Variants in NPR3 observed in about 807,000 individuals in gnomAD.
The protein encoded by NPR3 is natriuretic peptide receptor 3, also known as atrial natriuretic peptide receptor 3.
Under a neutral mutation model 54.5 loss-of-function variants are expected in NPR3, and 34 were observed. The observed-to-expected ratio is 0.62, with a 90% CI of 0.47 to 0.83. The LOEUF (loss-of-function observed/expected upper bound fraction) is 0.83, where lower values mean the gene tolerates loss of function less well. Among genes scored for constraint, NPR3 ranks in the 40% least tolerant of loss-of-function variants. The pLI is 0.00. For synonymous variants in NPR3, 289 were observed against 297.1 expected, an observed-to-expected ratio of 0.97 and a Z score of 0.28; for missense variants, 674 against 720.8, an observed-to-expected ratio of 0.94 and a Z score of 0.74.
In NPR3 at chr5:32,732,135, G is replaced by A. The variant is rs186123654; in HGVS notation, c.893-6729G>A. On this transcript the variant is annotated intron_variant, in intron 2 of 7. Coordinates refer to ENST00000265074, the MANE Select transcript of NPR3 (RefSeq NM_001204375.2). ...GGGCGCCTGTAGTCCCAGCTACTCG[G>A]GAGGCTGAGGCAGGAGAATGGCGTG... Among the ~76,000 whole-genome samples, 172 of 151,540 alleles carry A rather than the reference G, an allele frequency of 1.1e-3. 3 individuals are homozygous for A. Among genetic ancestry groups the A allele is most frequent in the African/African-American group, 3.8e-3 (156 of 41,320 alleles).
At chr5:32,754,687 T>A (rs1299897119) in intron 3 of NPR3, among the ~76,000 whole-genome samples, 2 of 152,114 alleles carry the variant, frequency 1.3e-5, no homozygotes, top group African/African-American at 4.8e-5. Context: ...CCCCACAGAC[T>A]GTGGGGAGGG....
At chr5:32,782,613 T>C (rs1469199603) in intron 5 of NPR3, among the ~76,000 whole-genome samples, 1 of 152,212 alleles carries the variant, frequency 6.6e-6, no homozygotes, top group Non-Finnish European at 1.5e-5. Context: ...CCGCTCTTAA[T>C]GCTCTCTTGA....
intron 2 of NPR3, among the ~76,000 whole-genome samples, chr5:32,727,675 G>A (rs1048298059): frequency 6.6e-6 from 1 of 151,996 alleles, no homozygotes; most frequent in African/African-American, 2.4e-5. Context: ...TTTTCCTGTT[G>A]TATTTTGGAA....
intron 4 of NPR3, among the ~76,000 whole-genome samples, chr5:32,778,853 T>C (rs1004895618): frequency 6.6e-6 from 1 of 152,208 alleles, no homozygotes. Flanking sequence ...GCAAAATGCT[T>C]AGCAGGACAC....
chr5:32,750,547 T>C (rs1490871153), intron 3 of NPR3, among the ~76,000 whole-genome samples: 1 of 152,204 alleles, frequency 6.6e-6, no homozygotes, highest in East Asian at 1.9e-4. Flanking sequence ...AGAATCTGTG[T>C]TTATATGGCT....
intron 2 of NPR3, among the ~76,000 whole-genome samples, chr5:32,730,087 T>G (rs1739375879): frequency 6.6e-6 from 1 of 152,190 alleles, no homozygotes; most frequent in African/African-American, 2.4e-5. Context: ...TTCATGACTT[T>G]GACACTTAAA....
At chr5:32,727,866 C>T (rs993866868) in intron 2 of NPR3, among the ~76,000 whole-genome samples, 2 of 152,082 alleles carry the variant, frequency 1.3e-5, no homozygotes, top group African/African-American at 4.8e-5. Flanking sequence ...GCAAGAACTT[C>T]CAGAATAATA....
upstream of NPR3, chr5:32,710,892 ATATG>A (rs1341525435): frequency 4.7e-5 from 40 of 850,042 alleles, no homozygotes; most frequent in Non-Finnish European, 6.0e-5. Flanking sequence ...GTGTGTGTGT[ATATG>A]TGTGTGTGTG....
upstream of NPR3, chr5:32,710,799 A>C (rs1164344525): frequency 6.6e-7 from 1 of 1,512,682 alleles, no homozygotes; most frequent in East Asian, 2.5e-5. Context: ...AGCAAGCGGC[A>C]CCTAAGGATT....
intron 1 of NPR3, chr5:32,713,226 A>T (rs1489827574): frequency 1.0e-6 from 1 of 985,314 alleles, no homozygotes; most frequent in Non-Finnish European, 1.2e-6. Context: ...GCAGTTTCTA[A>T]TGCGCCCAGA....
chr5:32,774,965 C>T, intron 4 of NPR3, 122 bp downstream of exon 4: 2 of 745,230 alleles, frequency 2.7e-6, no homozygotes, highest in South Asian at 3.2e-5. Context: ...AGCTCTAAAG[C>T]AGCCCATCTC....
chr5:32,748,891 TCTC>T (rs1165442092), intron 3 of NPR3, among the ~76,000 whole-genome samples: 2 of 152,204 alleles, frequency 1.3e-5, no homozygotes, highest in African/African-American at 4.8e-5. Flanking sequence ...TCTAATTTTC[TCTC>T]CTATTTTCCA....
chr5:32,732,231 G>A (rs1739497623), intron 2 of NPR3, among the ~76,000 whole-genome samples: 2 of 111,172 alleles, frequency 1.8e-5, no homozygotes, highest in Admixed American at 2.7e-4. Context: ...CTGGGCGACA[G>A]AGCGAGACTC....
chr5:32,714,682 C>T (rs1380965955), intron 1 of NPR3, among the ~76,000 whole-genome samples: 1 of 152,198 alleles, frequency 6.6e-6, no homozygotes, highest in African/African-American at 2.4e-5. Context: ...TAATCGTCCT[C>T]CAATCGCCTC....
At chr5:32,714,229 T>C (rs1394814591) in intron 1 of NPR3, among the ~76,000 whole-genome samples, 6 of 152,244 alleles carry the variant, frequency 3.9e-5, no homozygotes, top group South Asian at 2.1e-4. Context: ...GTCCGTAATG[T>C]CACTACCCTG....
intron 3 of NPR3, among the ~76,000 whole-genome samples, chr5:32,764,372 C>T (rs1741332522): frequency 6.6e-6 from 1 of 152,034 alleles, no homozygotes; most frequent in Non-Finnish European, 1.5e-5. Context: ...AGGGGGTACC[C>T]TCAAGGGAAA....
chr5:32,698,695 T>C (rs945292531), intron 1 of NPR3, among the ~76,000 whole-genome samples: 1 of 152,210 alleles, frequency 6.6e-6, no homozygotes, highest in African/African-American at 2.4e-5. Flanking sequence ...TTATATCCTC[T>C]TGCTGACTTG....
intron 3 of NPR3, among the ~76,000 whole-genome samples, 198 bp downstream of exon 3, chr5:32,739,228 A>G (rs887532958): frequency 3.4e-5 from 5 of 148,712 alleles, no homozygotes; most frequent in Admixed American, 2.0e-4. Flanking sequence ...TTCCCTCCTC[A>G]GTATACCCAC....
intron 3 of NPR3, among the ~76,000 whole-genome samples, chr5:32,759,759 A>G (rs1285874299): frequency 6.6e-6 from 1 of 152,018 alleles, no homozygotes; most frequent in Non-Finnish European, 1.5e-5. Context: ...GTTCCTTTCC[A>G]TGTTTAGTGC....
Sources: allele counts gnomAD v4.1 joint callset (sites outside exome capture counted in the v4.1 genomes callset), GRCh38; gene constraint gnomAD v4.1.1; transcripts MANE v1.5; gene names NCBI Gene and HGNC (gene_info 2026-07-23, HGNC 2026-07-21).